SULF1: variants seen among roughly 807,000 people sequenced by gnomAD.
SULF1 encodes the protein extracellular sulfatase Sulf-1.
Under a neutral mutation model 110.5 loss-of-function variants are expected in SULF1, and 46 were observed. That is an observed-to-expected ratio of 0.42 (90% CI 0.33 to 0.53). SULF1 has a LOEUF of 0.53. SULF1 is among the 20% of genes least tolerant of loss of function. The probability of loss-of-function intolerance (pLI) is 0.12; values close to 1 mark genes in which losing one functional copy is unlikely to be tolerated. For missense variants in SULF1, 941 were observed against 1,094.2 expected, an observed-to-expected ratio of 0.86 and a Z score of 1.98; for synonymous variants, 371 against 387.1, an observed-to-expected ratio of 0.96 and a Z score of 0.49.
chr8:69,481,519 C>T (rs759652115), intron 1 of SULF1, among the ~76,000 whole-genome samples: 5 of 152,040 alleles, frequency 3.3e-5, no homozygotes, highest in African/African-American at 9.7e-5. Flanking sequence ...CATAGGTAAA[C>T]GTGTGCCATG....
At chr8:69,612,040 A>G (rs918017833) in intron 13 of SULF1, among the ~76,000 whole-genome samples, 1 of 151,980 alleles carries the variant, frequency 6.6e-6, no homozygotes, top group Non-Finnish European at 1.5e-5. Context: ...TTATTATATC[A>G]TTCTTATGCC....
upstream of SULF1, among the ~76,000 whole-genome samples, chr8:69,491,494 G>T (rs1298651306): frequency 6.6e-6 from 1 of 152,192 alleles, no homozygotes; most frequent in Non-Finnish European, 1.5e-5. Context: ...AGCAGCAAAG[G>T]AACAACAGAT....
At chr8:69,501,587 T>C (rs1810800805) in intron 2 of SULF1, among the ~76,000 whole-genome samples, 1 of 152,228 alleles carries the variant, frequency 6.6e-6, no homozygotes, top group Non-Finnish European at 1.5e-5. Context: ...TCTTCTTTAA[T>C]GGTTCTATGA....
At chr8:69,482,775 T>C (rs930122331) in intron 1 of SULF1, among the ~76,000 whole-genome samples, 2 of 152,138 alleles carry the variant, frequency 1.3e-5, no homozygotes, top group Non-Finnish European at 2.9e-5. Flanking sequence ...AATTAAGTAA[T>C]TTGTATAAAT....
At chr8:69,610,528 A>G (rs539781824) in intron 13 of SULF1, among the ~76,000 whole-genome samples, 1 of 152,340 alleles carries the variant, frequency 6.6e-6, no homozygotes, top group South Asian at 2.1e-4. Context: ...TTGAGCTCCC[A>G]GTGCCATCCT....
chr8:69,640,985 G>C, intron 22 of SULF1, 144 bp downstream of exon 22: 1 of 617,892 alleles, frequency 1.6e-6, no homozygotes, highest in Non-Finnish European at 2.7e-6. Flanking sequence ...TCTCCACTAT[G>C]TTTTGTCATT....
intron 1 of SULF1, among the ~76,000 whole-genome samples, chr8:69,487,517 G>T (rs1382399367): frequency 6.6e-6 from 1 of 152,234 alleles, no homozygotes; most frequent in African/African-American, 2.4e-5. Flanking sequence ...GAAATTTAAT[G>T]AGGACTATTT....
chr8:69,577,932 A>T (rs1275254915), intron 6 of SULF1, among the ~76,000 whole-genome samples: 1 of 152,184 alleles, frequency 6.6e-6, no homozygotes, highest in African/African-American at 2.4e-5. Context: ...CCTTCCAGAG[A>T]TACAGACTTT....
In SULF1 at chr8:69,652,154, C is replaced by T. The variant is rs183092348; in HGVS notation, c.2586-6351C>T. Among the ~76,000 whole-genome samples, 28 of 152,254 alleles carry T rather than the reference C, an allele frequency of 1.8e-4. No homozygotes were observed. The East Asian group carries it at 3.7e-3, about 20-fold the overall frequency. ...ACATCTCGTTCTCTACCCCTCCTTCCTACCACCTCCCTTTCCCTTTATAAG... is the reference window on the plus strand; with the variant it reads ...ACATCTCGTTCTCTACCCCTCCTTCTTACCACCTCCCTTTCCCTTTATAAG... On this transcript the variant is annotated intron_variant, in intron 22 of 22. Transcript: ENST00000402687.
chr8:69,526,827 A>AAGGAAGGG (rs1342207177), intron 3 of SULF1, among the ~76,000 whole-genome samples: 4 of 146,662 alleles, frequency 2.7e-5, no homozygotes, highest in African/African-American at 1.0e-4. Context: ...GGAAGGAAGG[A>AAGGAAGGG]AGGAAGGAAG....
intron 3 of SULF1, among the ~76,000 whole-genome samples, chr8:69,544,697 G>T (rs1021269445): frequency 6.6e-6 from 1 of 152,186 alleles, no homozygotes; most frequent in African/African-American, 2.4e-5. Context: ...GAGTGAGAAA[G>T]GAAATGGGGA....
intron 3 of SULF1, among the ~76,000 whole-genome samples, chr8:69,546,880 G>A (rs1814296660): frequency 6.6e-6 from 1 of 152,192 alleles, no homozygotes; most frequent in Admixed American, 6.5e-5. Flanking sequence ...TGGTTGGTGG[G>A]TTTGTGCAGA....
intron 19 of SULF1, 47 bp from the exon 20 acceptor site, chr8:69,638,455 T>C (rs779210635): frequency 9.4e-6 from 15 of 1,593,574 alleles, no homozygotes; most frequent in Admixed American, 1.8e-5. Context: ...CTGCCTAAGG[T>C]TTTTCACTCT....
intron 13 of SULF1, among the ~76,000 whole-genome samples, chr8:69,617,049 A>C (rs1809205627): frequency 6.6e-6 from 1 of 152,146 alleles, no homozygotes; most frequent in Non-Finnish European, 1.5e-5. Context: ...ATTTGGATTT[A>C]AGACAGATAT....
At position 69,601,637 on chromosome 8, in the gene SULF1, C is replaced by T. The variant is rs746514328; in HGVS notation, c.886-17C>T. On this transcript the variant is annotated splice_polypyrimidine_tract_variant and intron_variant, in intron 9 of 22. Transcript: ENST00000402687. ...CCAGCACAATTGATTCTGACTTGTT[C>T]CTTTGCTGTATTTCAGCTGTATAAC... 1 of 1,590,400 alleles carries T rather than the reference C, an allele frequency of 6.3e-7. No individual in the cohort carries two copies. Among genetic ancestry groups the T allele is most frequent in the Non-Finnish European group, 8.6e-7 (1 of 1,166,168 alleles).
In SULF1 at chr8:69,658,690, A is replaced by T. The variant is rs1453814564; in HGVS notation, c.*155A>T. On this transcript the variant is annotated 3_prime_UTR_variant, in exon 23 of 23. Coordinates refer to ENST00000402687, the MANE Select transcript of SULF1 (RefSeq NM_001128205.2). ...TTTAGATAGAGTATTTGCACTGCTG[A>T]AGAGTCACTATGAGCAAAATAAAAC... 1 of 724,186 alleles carries T rather than the reference A, an allele frequency of 1.4e-6. No homozygotes were observed. The highest frequency in any genetic ancestry group is 2.7e-5 in the East Asian group (1 of 37,512). 44.9% of individuals were successfully genotyped at this position (724,186 alleles called of 1,614,324 possible). A position where few individuals can be genotyped will look rare whatever the true frequency, so the allele number is the denominator to read the frequency against.
At chr8:69,489,969 C>T (rs1444176215), upstream of SULF1, among the ~76,000 whole-genome samples, 1 of 152,124 alleles carries the variant, frequency 6.6e-6, no homozygotes, top group Non-Finnish European at 1.5e-5. Context: ...GATGTTCAGG[C>T]TCTGTCTGAA....
At chr8:69,638,690 T>C in intron 20 of SULF1, 45 bp from the exon 21 acceptor site, 1 of 1,613,036 alleles carries the variant, frequency 6.2e-7, no homozygotes, top group Non-Finnish European at 8.5e-7. Context: ...GAAAATAGGA[T>C]AACCAGACAT....
intron 13 of SULF1, among the ~76,000 whole-genome samples, chr8:69,618,923 C>G (rs978261470): frequency 2.0e-5 from 3 of 152,160 alleles, no homozygotes; most frequent in African/African-American, 7.2e-5. Context: ...CAGTTATCAG[C>G]AAAGCCATCT....
Sources: allele counts gnomAD v4.1 joint callset (sites outside exome capture counted in the v4.1 genomes callset), GRCh38; gene constraint gnomAD v4.1.1; transcripts MANE v1.5; gene names NCBI Gene and HGNC (gene_info 2026-07-23, HGNC 2026-07-21).